Variants in LEMD3 observed in about 807,000 individuals in gnomAD.
LEMD3 encodes LEM domain containing 3.
Under a neutral mutation model 95.2 loss-of-function variants are expected in LEMD3, and 33 were observed. That is an observed-to-expected ratio of 0.35 (90% confidence interval 0.26 to 0.46). LEMD3 has a LOEUF of 0.46. Among genes scored for constraint, LEMD3 ranks in the 20% least tolerant of loss-of-function variants. The pLI, the probability that LEMD3 is intolerant of heterozygous loss-of-function variation, is 1.00. For missense variants in LEMD3, 1,210 were observed against 1,192.8 expected (o/e 1.01, Z -0.21); for synonymous variants, 525 against 474.6 (o/e 1.11, Z -1.38).
At position 65,234,420 on chromosome 12, in the gene LEMD3, A is replaced by G. The variant is rs1592460186; in HGVS notation, c.1696-4082A>G. Among the ~76,000 whole-genome samples, 8 of 152,314 alleles carry G rather than the reference A, an allele frequency of 5.3e-5. 3 individuals are homozygous for G. Among genetic ancestry groups the G allele is most frequent in the Admixed American group, 5.2e-4 (8 of 15,292 alleles). On this transcript the variant is annotated intron_variant, in intron 4 of 12. Transcript: ENST00000308330. ...ATGCTATGTATGCTACAGTATTAGC[A>G]TCAACTATTTGGCACAAGCAAATAA...
chr12:65,224,926 C>A (rs1230186678), intron 4 of LEMD3, among the ~76,000 whole-genome samples: 2 of 151,960 alleles, frequency 1.3e-5, no homozygotes, highest in African/African-American at 4.8e-5. Flanking sequence ...CTTTACTTGT[C>A]TTTATCCTTT....
At chr12:65,240,327 T>C in intron 8 of LEMD3, 89 bp downstream of exon 8, 1 of 984,100 alleles carries the variant, frequency 1.0e-6, no homozygotes, top group South Asian at 1.3e-5. Context: ...CTGTGACCCT[T>C]CTCAACTAGA....
chr12:65,193,952 G>A (rs539193079), intron 1 of LEMD3, among the ~76,000 whole-genome samples: 111 of 152,058 alleles, frequency 7.3e-4, no homozygotes, highest in African/African-American at 2.5e-3. Flanking sequence ...GTAAAAGCAG[G>A]TAAAATAAAA....
chr12:65,202,503 C>G (rs933210905), intron 1 of LEMD3, among the ~76,000 whole-genome samples: 2 of 152,048 alleles, frequency 1.3e-5, no homozygotes, highest in African/African-American at 4.8e-5. Flanking sequence ...TTGCTATTTG[C>G]TGAAGACTTT....
intron 4 of LEMD3, among the ~76,000 whole-genome samples, chr12:65,226,231 T>C (rs970883177): frequency 3.3e-5 from 5 of 152,198 alleles, no homozygotes; most frequent in African/African-American, 1.2e-4. Flanking sequence ...TCTTCTGTTT[T>C]CCTTCTGAGG....
intron 1 of LEMD3, among the ~76,000 whole-genome samples, chr12:65,193,175 G>A (rs1266297442): frequency 1.3e-5 from 2 of 152,178 alleles, no homozygotes; most frequent in African/African-American, 4.8e-5. Flanking sequence ...TCGACTGAGA[G>A]GCATAAGGCA....
At position 65,170,191 on chromosome 12, in the gene LEMD3, G is replaced by T. The variant is rs1393609335; in HGVS notation, c.595G>T (p.Ala199Ser). ...ERRKPHSWWG[A>S]RRPAGPELQT... ...AAGGAAGCCCCACTCGTGGTGGGGGGCCAGGAGGCCGGCGGGCCCCGAGCT... is the reference window on the plus strand; with the variant it reads ...AAGGAAGCCCCACTCGTGGTGGGGGTCCAGGAGGCCGGCGGGCCCCGAGCT... The change falls in exon 1 of 13, where the codon GCC (alanine) becomes TCC (serine). Residue 199 changes from alanine (A) to serine (S), a missense_variant. Ala to Ser is a moderately conservative substitution (Grantham distance 99). Transcript: ENST00000308330. 2 of 1,504,022 alleles carry T rather than the reference G, an allele frequency of 1.3e-6. No homozygotes were observed. Among genetic ancestry groups the T allele is most frequent in the Non-Finnish European group, 1.8e-6 (2 of 1,127,254 alleles). The allele number at this position is 1,504,022 out of a possible 1,614,324, so 93.2% of individuals were successfully genotyped here.
intron 1 of LEMD3, among the ~76,000 whole-genome samples, chr12:65,174,232 T>A (rs1251650246): frequency 6.6e-6 from 1 of 152,218 alleles, no homozygotes; most frequent in Non-Finnish European, 1.5e-5. Context: ...TAAATTGCTA[T>A]AAGTCTCTTC....
intron 1 of LEMD3, among the ~76,000 whole-genome samples, chr12:65,190,384 T>A (rs1869200872): frequency 6.6e-6 from 1 of 152,156 alleles, no homozygotes; most frequent in Non-Finnish European, 1.5e-5. Flanking sequence ...CTAGTATTAA[T>A]GTCAACACAG....
chr12:65,212,595 A>G (rs1193163306), intron 2 of LEMD3, among the ~76,000 whole-genome samples: 2 of 151,976 alleles, frequency 1.3e-5, no homozygotes, highest in African/African-American at 2.4e-5. Context: ...TGAGGAGGGA[A>G]ATATTTAATG....
Position 65,247,159 on chromosome 12 carries a change from A to G in LEMD3, c.*834A>G, listed in dbSNP as rs1871139117. On this transcript the variant is annotated 3_prime_UTR_variant, in exon 13 of 13. Transcript: ENST00000308330. The stretch of plus-strand genomic sequence containing the variant: ...TTAAAATATCTTTTATAGGTTTTAT[A>G]TAAAAATGTCTGAGTATGATTTTGT... 6.6e-6 allele frequency: 1 copy of G among 152,606 alleles called. No individual in the cohort carries two copies. Among genetic ancestry groups the G allele is most frequent in the Admixed American group, 6.6e-5 (1 of 15,266 alleles). The allele number at this position is 152,606 out of a possible 1,614,324, so 9.5% of individuals were successfully genotyped here.
Position 65,228,789 on chromosome 12 carries a change from G to A in LEMD3, c.1696-9713G>A, listed in dbSNP as rs1408436896. On this transcript the variant is annotated intron_variant, in intron 4 of 12. Coordinates refer to ENST00000308330, the MANE Select transcript of LEMD3 (RefSeq NM_014319.5). ...TATACAATGTGTAATGATACAGTCAGGATAAATGAGCCATCACCTCAAACA... is the reference window on the plus strand; with the variant it reads ...TATACAATGTGTAATGATACAGTCAAGATAAATGAGCCATCACCTCAAACA... Among the ~76,000 whole-genome samples the A allele has an allele frequency of 3.3e-5, 5 of 152,304 alleles. No homozygotes were observed. The East Asian group carries it at 9.6e-4, about 29-fold the overall frequency.
intron 4 of LEMD3, among the ~76,000 whole-genome samples, chr12:65,232,386 T>G (rs554698954): frequency 6.6e-6 from 1 of 152,162 alleles, no homozygotes; most frequent in African/African-American, 2.4e-5. Context: ...GTAGAGCCCC[T>G]ACAAGTGTAA....
At chr12:65,194,278 G>C (rs1869339560) in intron 1 of LEMD3, among the ~76,000 whole-genome samples, 1 of 152,118 alleles carries the variant, frequency 6.6e-6, no homozygotes, top group Admixed American at 6.6e-5. Flanking sequence ...TGCCCAGATA[G>C]AGCTGATTTA....
At chr12:65,243,204 G>T (rs535514756) in intron 9 of LEMD3, among the ~76,000 whole-genome samples, 184 bp from the exon 10 acceptor site, 33 of 151,624 alleles carry the variant, frequency 2.2e-4, no homozygotes, top group African/African-American at 7.7e-4. Context: ...TTTATCATCT[G>T]TCTCTCCCAT....
chr12:65,172,740 T>C (rs1237831628), intron 1 of LEMD3, among the ~76,000 whole-genome samples: 1 of 151,712 alleles, frequency 6.6e-6, no homozygotes, highest in Non-Finnish European at 1.5e-5. Context: ...CTTTTTTTTT[T>C]TTTTTAGACA....
At chr12:65,172,393 A>G (rs552248799) in intron 1 of LEMD3, among the ~76,000 whole-genome samples, 123 of 152,358 alleles carry the variant, frequency 8.1e-4, no homozygotes, top group African/African-American at 2.9e-3. Context: ...AAATAGAGTG[A>G]AAGATGCAGT....
In LEMD3 at chr12:65,188,020, CTGA is replaced by C. The variant is rs2136322810; in HGVS notation, c.1522+16903_1522+16905del. ...AAAATGGTGTTAAGGATCAATCTTA[CTGA>C]CTTGGTCCAGAAAACTGTTTTCTGG... On this transcript the variant is annotated intron_variant, in intron 1 of 12. Transcript: ENST00000308330. Among the ~76,000 whole-genome samples, 4 of 152,210 alleles carry C rather than the reference CTGA, an allele frequency of 2.6e-5. No individual in the cohort carries two copies. In the East Asian group the frequency reaches 7.7e-4, roughly 29 times the overall value.
chr12:65,200,638 G>C (rs1565786613), intron 1 of LEMD3, among the ~76,000 whole-genome samples: 1 of 152,120 alleles, frequency 6.6e-6, no homozygotes, highest in African/African-American at 2.4e-5. Context: ...TTGGTGAGAT[G>C]TCTGTTAAGT....
Sources: gnomAD v4.1 joint callset for allele counts (sites outside exome capture counted in the v4.1 genomes callset) on GRCh38, gnomAD v4.1.1 for gene constraint, MANE v1.5 for transcripts, NCBI Gene and HGNC (gene_info 2026-07-23, HGNC 2026-07-21) for gene names.